The following TMEM132D variants were observed in gnomAD, a reference collection of about 807,000 sequenced individuals.
The protein encoded by TMEM132D is transmembrane protein 132D.
In TMEM132D, 21 loss-of-function variants were observed where a neutral mutation model predicts 62.3. The observed-to-expected ratio is 0.34, with a 90% CI of 0.24 to 0.49. TMEM132D has a LOEUF of 0.49. TMEM132D is among the 20% of genes least tolerant of loss of function. TMEM132D has a pLI of 0.99. For missense variants in TMEM132D, 1,346 were observed against 1,402.8 expected (o/e 0.96, Z 0.65); for synonymous variants, 621 against 575.6 (o/e 1.08, Z -1.13).
chr12:129,456,969 G>A (rs549531936), intron 3 of TMEM132D, among the ~76,000 whole-genome samples: 313 of 152,210 alleles, frequency 2.1e-3, no homozygotes, highest in Non-Finnish European at 3.2e-3. Flanking sequence ...TGGAGAAATA[G>A]GAACACTTTT....
chr12:129,291,784 T>A (rs1347328722), intron 4 of TMEM132D, among the ~76,000 whole-genome samples: 1 of 152,028 alleles, frequency 6.6e-6, no homozygotes, highest in East Asian at 1.9e-4. Flanking sequence ...GGGTTGGAAA[T>A]GGCTATGGGG....
intron 2 of TMEM132D, among the ~76,000 whole-genome samples, chr12:129,613,920 A>G (rs1346153530): frequency 6.8e-6 from 1 of 147,760 alleles, no homozygotes; most frequent in Non-Finnish European, 1.5e-5. Context: ...CAGAACCCAG[A>G]GTACTGTCTG....
At chr12:129,130,677 G>A (rs1374132042) in intron 5 of TMEM132D, among the ~76,000 whole-genome samples, 1 of 152,140 alleles carries the variant, frequency 6.6e-6, no homozygotes, top group Non-Finnish European at 1.5e-5. Flanking sequence ...TATTGAGAAA[G>A]GAGAAGTGGA....
At chr12:129,253,240 GAA>G (rs71072458) in intron 4 of TMEM132D, among the ~76,000 whole-genome samples, 5 of 143,540 alleles carry the variant, frequency 3.5e-5, no homozygotes, top group African/African-American at 5.1e-5. Context: ...TGTGATAATT[GAA>G]AAAAAAAAAG....
At chr12:129,448,664 G>C (rs1319980702) in intron 3 of TMEM132D, among the ~76,000 whole-genome samples, 2 of 152,060 alleles carry the variant, frequency 1.3e-5, no homozygotes, top group Non-Finnish European at 2.9e-5. Context: ...TTTTTTCAAA[G>C]TATATAATAA....
intron 3 of TMEM132D, among the ~76,000 whole-genome samples, chr12:129,486,429 G>A (rs919325964): frequency 4.6e-5 from 7 of 152,138 alleles, no homozygotes; most frequent in Non-Finnish European, 1.0e-4. Flanking sequence ...GGGTGGGCCT[G>A]TGTGTTTACC....
At chr12:129,859,200 C>T (rs1873809207) in intron 1 of TMEM132D, among the ~76,000 whole-genome samples, 1 of 152,218 alleles carries the variant, frequency 6.6e-6, no homozygotes, top group Non-Finnish European at 1.5e-5. Context: ...GAATCTGCAG[C>T]TGCCTTGATC....
At chr12:129,178,441 T>G (rs200588315) in intron 5 of TMEM132D, among the ~76,000 whole-genome samples, 7,526 of 152,002 alleles carry the variant, frequency 0.05, 266 homozygotes, top group African/African-American at 0.094. Context: ...CTGTTTTTTT[T>G]TTTTTTTTGT....
At chr12:129,702,657 G>A (rs1036475777) in intron 1 of TMEM132D, among the ~76,000 whole-genome samples, 7 of 152,268 alleles carry the variant, frequency 4.6e-5, no homozygotes, top group South Asian at 2.1e-4. Flanking sequence ...ATCAAAACAC[G>A]TTATGCTTTG....
chr12:129,250,248 G>T (rs763823393), intron 4 of TMEM132D, among the ~76,000 whole-genome samples: 28 of 152,148 alleles, frequency 1.8e-4, no homozygotes, highest in Admixed American at 3.3e-4. Context: ...CAGGGCAAAG[G>T]AATTCATGGC....
intron 4 of TMEM132D, among the ~76,000 whole-genome samples, chr12:129,236,297 A>T (rs1306982904): frequency 6.6e-6 from 1 of 151,904 alleles, no homozygotes; most frequent in Non-Finnish European, 1.5e-5. Flanking sequence ...CAGGTGGATC[A>T]CAAGGTCAGG....
rs1872685005 is a variant in TMEM132D at position 129,827,173 on chromosome 12, T to C, written c.79+76088A>G. ...ATTAAGCGCGTCTCTATATTTGATC[T>C]TCTGCTAAGCTCTCCCCAGGCTTGA... On this transcript the variant is annotated intron_variant, in intron 1 of 8. Transcript: ENST00000422113. This position sits in a 1 kb window ranked among gnomAD's most constrained non-coding sequence, Gnocchi z 9.7. 6.6e-6 allele frequency among the ~76,000 whole-genome samples: 1 copy of C among 152,252 alleles called. No homozygotes were observed. Among genetic ancestry groups the C allele is most frequent in the African/African-American group, 2.4e-5 (1 of 41,468 alleles).
At chr12:129,135,039 G>A (rs565621539) in intron 5 of TMEM132D, among the ~76,000 whole-genome samples, 2 of 152,286 alleles carry the variant, frequency 1.3e-5, no homozygotes, top group East Asian at 1.9e-4. Context: ...GACAGGTGGA[G>A]GAAATCAATG....
intron 1 of TMEM132D, among the ~76,000 whole-genome samples, chr12:129,800,901 G>A (rs574902214): frequency 4.0e-4 from 61 of 152,306 alleles, no homozygotes; most frequent in Non-Finnish European, 7.1e-4. Context: ...TGCCTCACTC[G>A]GGAAGCACAA....
chr12:129,461,879 A>T (rs956893368), intron 3 of TMEM132D, among the ~76,000 whole-genome samples: 4 of 152,208 alleles, frequency 2.6e-5, no homozygotes, highest in African/African-American at 4.8e-5. Flanking sequence ...CCAAATACGG[A>T]TAAGTTCAGG....
rs1345114488 is a variant in TMEM132D, at chr12:129,854,058, G to A, written c.79+49203C>T. Among the ~76,000 whole-genome samples the A allele has an allele frequency of 2.0e-5, 3 of 152,280 alleles. No individual in the cohort carries two copies. The East Asian group carries it at 5.8e-4, about 29-fold the overall frequency. On this transcript the variant is annotated intron_variant, in intron 1 of 8. Coordinates refer to ENST00000422113, the MANE Select transcript of TMEM132D (RefSeq NM_133448.3). The stretch of plus-strand genomic sequence containing the variant: ...TTCCTCTTTGGTAACTCGAGGCGGG[G>A]ATACTACTAATGCCCATGGCAGTCC...
At chr12:129,401,361 G>A (rs995761182) in intron 3 of TMEM132D, among the ~76,000 whole-genome samples, 4 of 152,136 alleles carry the variant, frequency 2.6e-5, no homozygotes, top group Non-Finnish European at 5.9e-5. Context: ...GAGGCCAGGA[G>A]TTTGAGACCA....
In TMEM132D at chr12:129,587,744, G is replaced by A. The variant is rs551056469; in HGVS notation, c.969-56539C>T. 1.7e-4 allele frequency among the ~76,000 whole-genome samples: 26 copies of A among 152,286 alleles called. No individual in the cohort carries two copies. The East Asian group carries it at 3.7e-3, about 21-fold the overall frequency. ...AATGGGCAGTTTCCACAAAGGAGCCGTATTTGTGTCACCACAAAGTATGAC... is the reference window on the plus strand; with the variant it reads ...AATGGGCAGTTTCCACAAAGGAGCCATATTTGTGTCACCACAAAGTATGAC... On this transcript the variant is annotated intron_variant, in intron 2 of 8. Transcript: ENST00000422113.
At chr12:129,778,314 T>C (rs2137288555) in intron 1 of TMEM132D, among the ~76,000 whole-genome samples, 1 of 152,226 alleles carries the variant, frequency 6.6e-6, no homozygotes, top group East Asian at 1.9e-4. Flanking sequence ...ACCTCACTGA[T>C]TATATCATTC....
Sources: gnomAD v4.1 joint callset for allele counts (sites outside exome capture counted in the v4.1 genomes callset) on GRCh38, gnomAD v4.1.1 for gene constraint, Gnocchi (gnomAD v3.1) non-coding constraint, MANE v1.5 for transcripts, NCBI Gene and HGNC (gene_info 2026-07-23, HGNC 2026-07-21) for gene names.